Variants in TRMT44 observed in about 807,000 individuals in gnomAD.
TRMT44 encodes the protein tRNA methyltransferase 44 homolog, also known as probable tRNA (uracil-O(2)-)-methyltransferase.
TRMT44 carries 78 observed loss-of-function variants against 77.3 expected under a neutral mutation model. That is an observed-to-expected ratio of 1.01 (90% CI 0.84 to 1.22). The LOEUF is 1.22. TRMT44 is among the 50% of genes most tolerant of loss of function. The probability of loss-of-function intolerance (pLI) is 0.00; values close to 1 mark genes in which losing one functional copy is unlikely to be tolerated. For synonymous variants in TRMT44, 391 were observed against 383.3 expected, an observed-to-expected ratio of 1.02 and a Z score of -0.23; for missense variants, 1,090 against 964.4, an observed-to-expected ratio of 1.13 and a Z score of -1.73.
At chr4:8,511,657 T>C in the TRMT44 span, among the ~76,000 whole-genome samples, 1 of 152,134 alleles carries the variant, frequency 6.6e-6, no homozygotes, top group African/African-American at 2.4e-5. Flanking sequence ...CAATCAAGGC[T>C]TCTAAAAGCA....
At chr4:8,478,804 C>G (rs910297845), downstream of TRMT44, 1 of 152,340 alleles carries the variant, frequency 6.6e-6, no homozygotes, top group Non-Finnish European at 1.5e-5. Context: ...GGCACTAGGT[C>G]TCACTGGCTG....
intron 1 of TRMT44, among the ~76,000 whole-genome samples, chr4:8,442,225 T>C (rs767287574): frequency 5.9e-5 from 9 of 152,230 alleles, no homozygotes; most frequent in Non-Finnish European, 1.0e-4. Flanking sequence ...CCACAACTTA[T>C]TGTCTCATAT....
rs1310401361 is a variant in TRMT44, at chr4:8,471,259, AAAT to A, written c.2044+63_2044+65del. On this transcript the variant is annotated intron_variant, in intron 10 of 10. Transcript: ENST00000389737. The stretch of plus-strand genomic sequence containing the variant: ...CTTCTTTTTCCCCCTTTTTTCAGTT[AAAT>A]AATGTTTTATTTTAGAGTGGTTTAG... 4.1e-6 allele frequency: 5 copies of A among 1,226,568 alleles called. No individual in the cohort carries two copies. In the African/African-American group the frequency reaches 4.6e-5, roughly 11 times the overall value. 76.0% of individuals were successfully genotyped at this position (1,226,568 alleles called of 1,614,324 possible).
In TRMT44 at chr4:8,471,176, C is replaced by T. The variant is rs371628364; in HGVS notation, c.2020C>T (p.Arg674Trp). The T allele has an allele frequency of 5.4e-5, 86 of 1,604,630 alleles. No individual in the cohort carries two copies. Among genetic ancestry groups the T allele is most frequent in the South Asian group, 3.1e-4 (28 of 89,856 alleles). ...GTGTGGGGGCCTGCAGACGCTGCTCCGGAACAGCCACCAGGTGTTCCAAGG... is the reference window on the plus strand; with the variant it reads ...GTGTGGGGGCCTGCAGACGCTGCTCTGGAACAGCCACCAGGTGTTCCAAGG... ...RECGGLQTLL[R>W]NSHQVFQVVN... is the part of the protein sequence containing the mutation. Residue 674 changes from arginine (R) to tryptophan (W), a missense_variant, in exon 10 of 11, where the codon CGG (arginine) becomes TGG (tryptophan). Coordinates refer to ENST00000389737, the MANE Select transcript of TRMT44 (RefSeq NM_152544.3).
intron 2 of TRMT44, among the ~76,000 whole-genome samples, chr4:8,485,659 G>A (rs1420857578): frequency 6.6e-6 from 1 of 152,154 alleles, no homozygotes; most frequent in African/African-American, 2.4e-5. Flanking sequence ...TGCGAAGGAG[G>A]CTTTGGGTTG....
chr4:8,491,105 G>C (rs941356166), intron 2 of TRMT44, among the ~76,000 whole-genome samples: 1 of 151,958 alleles, frequency 6.6e-6, no homozygotes, highest in Non-Finnish European at 1.5e-5. Flanking sequence ...TAGACATAAA[G>C]GTTCTCCAAG....
At chr4:8,514,596 G>A in the TRMT44 span, among the ~76,000 whole-genome samples, 1 of 151,986 alleles carries the variant, frequency 6.6e-6, no homozygotes, top group Non-Finnish European at 1.5e-5. Flanking sequence ...CAACGCTCCA[G>A]CCAGGCGAAA....
intron 1 of TRMT44, among the ~76,000 whole-genome samples, chr4:8,445,230 G>C (rs995635305): frequency 6.6e-6 from 1 of 152,228 alleles, no homozygotes; most frequent in African/African-American, 2.4e-5. Flanking sequence ...GGTTTCAAGT[G>C]AGCCTCGCAC....
chr4:8,485,637 A>G (rs1322336676), intron 2 of TRMT44, among the ~76,000 whole-genome samples: 2 of 152,108 alleles, frequency 1.3e-5, no homozygotes, highest in Admixed American at 6.5e-5. Context: ...GTGGGGGGAT[A>G]TGAGAGGAAG....
Position 8,452,820 on chromosome 4 carries a change from TA to T in TRMT44, c.1024-59del. The T allele has an allele frequency of 1.1e-6, 1 of 935,530 alleles. No individual in the cohort carries two copies. The highest frequency in any genetic ancestry group is 1.6e-6 in the Non-Finnish European group (1 of 637,618). 58.0% of individuals were successfully genotyped at this position (935,530 alleles called of 1,614,324 possible). On this transcript the variant is annotated intron_variant, in intron 4 of 10. Transcript: ENST00000389737. The surrounding 1 kb of genome is among the most constrained non-coding windows in gnomAD (Gnocchi z 5.7). ...GAGTTTTCTTTGACCAGTTTGTGTCTAAATTATTCTTGCGTAGAGTGAATTA... is the reference window on the plus strand; with the variant it reads ...GAGTTTTCTTTGACCAGTTTGTGTCTAATTATTCTTGCGTAGAGTGAATTA...
chr4:8,449,921 C>T (rs1458956513), intron 3 of TRMT44, 33 bp downstream of exon 3: 2 of 655,774 alleles, frequency 3.0e-6, no homozygotes, highest in Admixed American at 4.2e-5. Flanking sequence ...GATTTTTCCC[C>T]CTTCATGATT....
chr4:8,476,095 T>C lies in TRMT44; in HGVS notation c.*94T>C. ...AGTGCTGTGGTCTCTGCTCTGGCTG[T>C]GTTTCAGCCCACCTCCTCCCAGCTT... On this transcript the variant is annotated 3_prime_UTR_variant, in exon 11 of 11. Transcript: ENST00000389737. The C allele has an allele frequency of 8.6e-6, 10 of 1,168,568 alleles. No individual in the cohort carries two copies. The highest frequency in any genetic ancestry group is 1.1e-5 in the Non-Finnish European group (9 of 816,802). 72.4% of individuals were successfully genotyped at this position (1,168,568 alleles called of 1,614,324 possible).
chr4:8,478,804 C>T (rs910297845), downstream of TRMT44: 2 of 152,340 alleles, frequency 1.3e-5, no homozygotes, highest in South Asian at 2.1e-4. Context: ...GGCACTAGGT[C>T]TCACTGGCTG....
intron 6 of TRMT44, among the ~76,000 whole-genome samples, chr4:8,460,848 GC>G (rs533229368): frequency 2.6e-5 from 4 of 151,612 alleles, no homozygotes; most frequent in African/African-American, 7.3e-5. Context: ...ACCACACGCA[GC>G]CCCCCTTTTA....
chr4:8,467,318 G>A (rs1397556427), intron 8 of TRMT44, among the ~76,000 whole-genome samples: 3 of 152,324 alleles, frequency 2.0e-5, no homozygotes, highest in Non-Finnish European at 2.9e-5. Context: ...AGGACGGTGC[G>A]GCTGCCGGGC....
downstream of TRMT44, among the ~76,000 whole-genome samples, chr4:8,481,555 C>T (rs915604089): frequency 4.6e-5 from 7 of 152,202 alleles, no homozygotes; most frequent in East Asian, 1.9e-4. Context: ...TTTCCTGTCC[C>T]GCTGCTGCCT....
rs574361460 is a variant in TRMT44 at position 8,443,323 on chromosome 4, C to G, written c.619+1882C>G. Reference sequence around the variant, plus strand: ...ACAGAGGGGTAGGACAGAATTTTTTCCTTTCTTCCTCTCAGGGAGGCAGTT... The same window carrying G: ...ACAGAGGGGTAGGACAGAATTTTTTGCTTTCTTCCTCTCAGGGAGGCAGTT... On this transcript the variant is annotated intron_variant, in intron 1 of 10. Transcript: ENST00000389737. Among the ~76,000 whole-genome samples the G allele has an allele frequency of 5.0e-3, 762 of 152,298 alleles. 5 individuals carry two copies. The highest frequency in any genetic ancestry group is 0.018 in the African/African-American group (729 of 41,558).
At chr4:8,506,588 C>G in the TRMT44 span, among the ~76,000 whole-genome samples, 13,507 of 152,252 alleles carry the variant, frequency 0.089, 682 homozygotes, top group Middle Eastern at 0.12. Context: ...CCCCTTCCCC[C>G]CTCAGCCTGG....
chr4:8,457,708 G>T (rs1000949469), intron 6 of TRMT44, among the ~76,000 whole-genome samples: 1 of 152,170 alleles, frequency 6.6e-6, no homozygotes, highest in Non-Finnish European at 1.5e-5. Flanking sequence ...ACAAATTCCC[G>T]CCAGAGAAAA....
Sources: allele counts gnomAD v4.1 joint callset (sites outside exome capture counted in the v4.1 genomes callset), GRCh38; gene constraint gnomAD v4.1.1; non-coding constraint Gnocchi (gnomAD v3.1); transcripts MANE v1.5; gene names NCBI Gene and HGNC (gene_info 2026-07-23, HGNC 2026-07-21).